NDC80: variants seen among roughly 807,000 people sequenced by gnomAD.
NDC80 encodes kinetochore protein NDC80 homolog.
NDC80 carries 69 observed loss-of-function variants against 89.3 expected under a neutral mutation model. That is an observed-to-expected ratio of 0.77 (90% CI 0.64 to 0.94). The LOEUF (loss-of-function observed/expected upper bound fraction) is 0.94. Ranked by LOEUF, NDC80 falls within the 40% of genes least tolerant of loss-of-function variation. The pLI is 0.00. For synonymous variants in NDC80, 243 were observed against 255.6 expected (o/e 0.95, Z 0.47); for missense variants, 593 against 739.6 (o/e 0.80, Z 2.30).
chr18:2,589,156 T>A (rs370288891), intron 8 of NDC80, 48 bp from the exon 9 acceptor site: 6 of 1,231,788 alleles, frequency 4.9e-6, no homozygotes, highest in Non-Finnish European at 7.2e-6. Flanking sequence ...GGAAAGAATG[T>A]TCTAGGCGGA....
chr18:2,583,705 A>G (rs193301148), intron 6 of NDC80, among the ~76,000 whole-genome samples: 209 of 151,878 alleles, frequency 1.4e-3, no homozygotes, highest in Non-Finnish European at 2.5e-3. Context: ...CTCAAAAAAA[A>G]AAAAAAAAAT....
intron 15 of NDC80, among the ~76,000 whole-genome samples, chr18:2,609,093 T>C (rs1188563698): frequency 1.3e-5 from 2 of 152,132 alleles, no homozygotes; most frequent in Non-Finnish European, 2.9e-5. Context: ...TTTTAATCCC[T>C]GAAAACAACA....
At chr18:2,581,215 A>G (rs546828994) in intron 6 of NDC80, among the ~76,000 whole-genome samples, 1 of 152,292 alleles carries the variant, frequency 6.6e-6, no homozygotes, top group South Asian at 2.1e-4. Context: ...AGTGTTTTTT[A>G]AAAACAATTT....
chr18:2,584,188 G>A (rs1421142723), intron 6 of NDC80, among the ~76,000 whole-genome samples: 2 of 151,286 alleles, frequency 1.3e-5, no homozygotes, highest in African/African-American at 2.4e-5. Flanking sequence ...CTCCAGAGGG[G>A]GAGACAGGAG....
chr18:2,604,977 A>G (rs1419429529), intron 13 of NDC80, among the ~76,000 whole-genome samples: 1 of 152,190 alleles, frequency 6.6e-6, no homozygotes, highest in Non-Finnish European at 1.5e-5. Flanking sequence ...GTGAATAGTA[A>G]ATGGTAGGGA....
intron 13 of NDC80, among the ~76,000 whole-genome samples, chr18:2,603,555 T>C (rs1218030193): frequency 6.6e-6 from 1 of 151,472 alleles, no homozygotes; most frequent in African/African-American, 2.4e-5. Context: ...AAGAAATTAA[T>C]AAATTAGAGT....
intron 11 of NDC80, among the ~76,000 whole-genome samples, 159 bp from the exon 12 acceptor site, chr18:2,598,860 A>T (rs1024978698): frequency 2.6e-5 from 4 of 152,176 alleles, no homozygotes; most frequent in African/African-American, 9.6e-5. Flanking sequence ...TCTTCTTTGT[A>T]TATTTTAAAA....
chr18:2,590,030 T>C lies in NDC80; in HGVS notation c.883T>C (p.Ser295Pro). The C allele has an allele frequency of 6.3e-7, 1 of 1,599,418 alleles. No homozygotes were observed. The highest frequency in any genetic ancestry group is 8.5e-7 in the Non-Finnish European group (1 of 1,173,288). The part of the protein sequence containing the change: ...EREKEPNRLE[S>P]LRKLKASLQG... ...TTTTCTCTTAAAGAATCGTCTAGAG[T>C]CGTTGAGAAAACTGAAGGCTTCCTT... The change falls in exon 10 of 17, where the codon TCG becomes CCG. Residue 295 changes from serine (S) to proline (P), a missense_variant. Physicochemically the swap from Ser to Pro is moderately conservative, Grantham distance 74. Transcript: ENST00000261597.
At chr18:2,604,919 G>A (rs183064818) in intron 13 of NDC80, among the ~76,000 whole-genome samples, 1 of 152,086 alleles carries the variant, frequency 6.6e-6, no homozygotes, top group Admixed American at 6.6e-5. Context: ...GATGAGAGGT[G>A]CATGAGACGA....
At position 2,577,968 on chromosome 18, in the gene NDC80, G is replaced by C; in HGVS notation, c.304-1G>C. 1 of 1,610,716 alleles carries C rather than the reference G, an allele frequency of 6.2e-7. No individual in the cohort carries two copies. Among genetic ancestry groups the C allele is most frequent in the South Asian group, 1.1e-5 (1 of 90,582 alleles). ...TTGGTGGTTCATAAAAATTATTGTA[G>C]TTTCTTACAGAAAATGGTTATGCAC... On this transcript the variant is annotated splice_acceptor_variant, in intron 4 of 16. Transcript: ENST00000261597. LOFTEE classifies it high-confidence loss of function.
At chr18:2,605,733 C>G (rs568707788) in intron 13 of NDC80, among the ~76,000 whole-genome samples, 1 of 151,992 alleles carries the variant, frequency 6.6e-6, no homozygotes, top group South Asian at 2.1e-4. Context: ...AAAAAAAAGT[C>G]AGCTATTTAT....
intron 12 of NDC80, among the ~76,000 whole-genome samples, chr18:2,600,877 G>A (rs2143658616): frequency 6.6e-6 from 1 of 152,194 alleles, no homozygotes; most frequent in East Asian, 1.9e-4. Context: ...TTTAACCTAA[G>A]TATTTCAGTT....
At chr18:2,595,146 A>T (rs1029179432) in intron 10 of NDC80, among the ~76,000 whole-genome samples, 3 of 151,590 alleles carry the variant, frequency 2.0e-5, no homozygotes, top group Non-Finnish European at 4.4e-5. Flanking sequence ...TATCTTCCAG[A>T]ATGTTATAAA....
chr18:2,577,282 T>G (rs1325099021), intron 3 of NDC80: 1 of 154,578 alleles, frequency 6.5e-6, no homozygotes, highest in East Asian at 1.9e-4. Context: ...TGGCGCGATC[T>G]CAGCTCACTG....
chr18:2,574,684 G>A (rs1011352505), intron 2 of NDC80, among the ~76,000 whole-genome samples: 14 of 151,992 alleles, frequency 9.2e-5, no homozygotes, highest in Non-Finnish European at 1.8e-4. Flanking sequence ...TGTTTAGATA[G>A]TTATTAAAAA....
chr18:2,578,943 T>C lies in NDC80; in HGVS notation c.493T>C (p.Ser165Pro), dbSNP rs369783870. Residue 165 changes from serine (S) to proline (P), a missense_variant, in exon 6 of 17, where the codon TCC becomes CCC. Transcript: ENST00000261597. ...FKDLGYPFAL[S>P]KSSMYTVGAP... is the part of the protein sequence containing the mutation. ...TTCTCATAGGTATCCTTTTGCACTA[T>C]CCAAAAGCTCCATGTACACAGTGGG... The C allele has an allele frequency of 4.5e-6, 7 of 1,545,536 alleles. No individual in the cohort carries two copies. The highest frequency in any genetic ancestry group is 1.7e-4 in the Middle Eastern group (1 of 5,776).
At chr18:2,576,793 A>G (rs2143631014) in intron 3 of NDC80, among the ~76,000 whole-genome samples, 1 of 152,344 alleles carries the variant, frequency 6.6e-6, no homozygotes, top group East Asian at 1.9e-4. Context: ...TAAACAAATT[A>G]TGTCAATAAA....
intron 10 of NDC80, among the ~76,000 whole-genome samples, chr18:2,590,973 A>C (rs2072624813): frequency 6.6e-6 from 1 of 152,144 alleles, no homozygotes; most frequent in Non-Finnish European, 1.5e-5. Context: ...CCTGGGTTCA[A>C]ATAATCCTCC....
intron 6 of NDC80, among the ~76,000 whole-genome samples, chr18:2,579,655 G>A (rs2072566216): frequency 6.6e-6 from 1 of 152,106 alleles, no homozygotes; most frequent in African/African-American, 2.4e-5. Flanking sequence ...TCAAACTCCT[G>A]ACCTCAGGTG....
Sources: allele counts gnomAD v4.1 joint callset (sites outside exome capture counted in the v4.1 genomes callset), GRCh38; gene constraint gnomAD v4.1.1; transcripts MANE v1.5; gene names NCBI Gene and HGNC (gene_info 2026-07-23, HGNC 2026-07-21).